Variants in SFSWAP observed in about 807,000 individuals in gnomAD.
The protein encoded by SFSWAP is splicing factor SWAP.
SFSWAP carries 17 observed loss-of-function variants against 100.7 expected under a neutral mutation model. The observed-to-expected ratio is 0.17, with a 90% CI of 0.12 to 0.25. The LOEUF is 0.25. Ranked by LOEUF, SFSWAP falls within the 10% of genes least tolerant of loss-of-function variation. The pLI is 1.00. For missense variants in SFSWAP, 1,005 were observed against 1,262.6 expected, an observed-to-expected ratio of 0.80 and a Z score of 3.09; for synonymous variants, 504 against 510.1, an observed-to-expected ratio of 0.99 and a Z score of 0.16.
chr12:131,751,314 C>T (rs10902444), intron 7 of SFSWAP, among the ~76,000 whole-genome samples: 9,134 of 152,280 alleles, frequency 0.06, 567 homozygotes, highest in East Asian at 0.28. Flanking sequence ...ATTCAGATCC[C>T]GTCCTTTGTG....
At chr12:131,757,402 A>T (rs1310388441) in intron 11 of SFSWAP, 2 of 152,396 alleles carry the variant, frequency 1.3e-5, no homozygotes, top group Admixed American at 1.3e-4. Flanking sequence ...GCCCCGGTGC[A>T]CCCTGTCGGG....
intron 15 of SFSWAP, chr12:131,796,905 C>T: frequency 2.7e-6 from 1 of 373,046 alleles, no homozygotes; most frequent in Non-Finnish European, 4.8e-6. Context: ...CCTGTGGTGG[C>T]TTATCTTAGG....
At chr12:131,741,644 CAAA>C (rs543737279) in intron 7 of SFSWAP, among the ~76,000 whole-genome samples, 1 of 68,836 alleles carries the variant, frequency 1.5e-5, no homozygotes, top group African/African-American at 5.4e-5. Context: ...AGACTCTGTC[CAAA>C]AAAAAAAAAA....
intron 13 of SFSWAP, among the ~76,000 whole-genome samples, chr12:131,767,769 G>A (rs1883235281): frequency 6.6e-6 from 1 of 152,148 alleles, no homozygotes; most frequent in Non-Finnish European, 1.5e-5. Flanking sequence ...GCTTATAAGT[G>A]GGAGCTAAAC....
rs368770684 is a variant in SFSWAP, at chr12:131,746,932, G to A, written c.1082-6191G>A. 7.0e-4 allele frequency among the ~76,000 whole-genome samples: 107 copies of A among 152,096 alleles called. No homozygotes were observed. The East Asian group carries it at 0.013, about 19-fold the overall frequency. On this transcript the variant is annotated intron_variant, in intron 7 of 17. Transcript: ENST00000261674. ...ATCCTGGCTAACACGGTGAAACCCG[G>A]TCTCTACTAAAAATACAAAAAATTA...
rs143504094 is a variant in SFSWAP, at chr12:131,778,231, G to A, written c.2309G>A (p.Arg770His). 47 of 1,613,932 alleles carry A rather than the reference G, an allele frequency of 2.9e-5. No individual in the cohort carries two copies. The Middle Eastern group carries it at 4.9e-4, about 17-fold the overall frequency. ...KHKKRSRTRS[R>H]SPKYHSSSKS... ...AAAAAAAGATCTCGAACAAGATCAC[G>A]TTCTCCCAAGTACCATTCGTCATCC... is the stretch of plus-strand genomic sequence containing the variant. Residue 770 changes from arginine (R) to histidine (H), a missense_variant, in exon 14 of 18, where the codon CGT becomes CAT. By Grantham distance (29) the Arg-to-His change is conservative. This residue lies in a region of SFSWAP where 295 missense variants were observed against 347.9 expected (regional missense o/e 0.85). Transcript: ENST00000261674. The surrounding 1 kb of genome is among the most constrained non-coding windows in gnomAD (Gnocchi z 4.2).
chr12:131,772,163 G>T (rs190355530), intron 13 of SFSWAP, among the ~76,000 whole-genome samples: 1 of 152,270 alleles, frequency 6.6e-6, no homozygotes, highest in African/African-American at 2.4e-5. Flanking sequence ...AGTTTGAGGA[G>T]CACGTCACTA....
chr12:131,783,823 A>ATATATATATATATATATATATATAT (rs1555251703), intron 14 of SFSWAP: 1 of 68,710 alleles, frequency 1.5e-5, no homozygotes, highest in Non-Finnish European at 3.5e-5. Context: ...TATATATATA[A>ATATATATATATATATATATATATAT]TTCTTTGTAG....
chr12:131,757,335 C>T (rs550164441), intron 11 of SFSWAP: 4 of 152,468 alleles, frequency 2.6e-5, no homozygotes, highest in Admixed American at 6.5e-5. Context: ...TGTTGAGATG[C>T]GGTAGGTGGT....
chr12:131,785,043 G>A, intron 14 of SFSWAP: 1 of 1,522,102 alleles, frequency 6.6e-7, no homozygotes, highest in Admixed American at 2.0e-5. Context: ...CTTTTATTCT[G>A]AATGTGAAGT....
intron 11 of SFSWAP, among the ~76,000 whole-genome samples, chr12:131,764,126 AAAAAG>A (rs1019066562): frequency 1.3e-5 from 2 of 152,126 alleles, no homozygotes; most frequent in African/African-American, 2.4e-5. Context: ...ACTCCATCTC[AAAAAG>A]AAAAGAAAAG....
rs1010298708 is a variant in SFSWAP, at chr12:131,744,301, C to T, written c.1082-8822C>T. On this transcript the variant is annotated intron_variant, in intron 7 of 17. Transcript: ENST00000261674. ...CTTTATGCTGTGTTTCCTTATAAAA[C>T]TGAATGCCTTTAACAGCACCCAAGT... Among the ~76,000 whole-genome samples the T allele has an allele frequency of 2.0e-5, 3 of 152,198 alleles. No individual in the cohort carries two copies. The East Asian group carries it at 5.8e-4, about 29-fold the overall frequency.
intron 10 of SFSWAP, among the ~76,000 whole-genome samples, chr12:131,755,955 G>A (rs1169116543): frequency 4.6e-5 from 7 of 152,202 alleles, no homozygotes; most frequent in South Asian, 2.1e-4. Context: ...TGGTGCTGGC[G>A]CACTTGGAAG....
intron 5 of SFSWAP, 51 bp from the exon 6 acceptor site, chr12:131,726,889 A>G: frequency 1.8e-6 from 2 of 1,109,162 alleles, no homozygotes; most frequent in Non-Finnish European, 2.7e-6. Flanking sequence ...ATTAATTTGT[A>G]CTTTTTTTCT....
chr12:131,764,905 GT>G (rs1296024562), intron 12 of SFSWAP, among the ~76,000 whole-genome samples: 1 of 152,256 alleles, frequency 6.6e-6, no homozygotes, highest in African/African-American at 2.4e-5. Context: ...GCCGCTGGCA[GT>G]TTGTTTTCGA....
intron 15 of SFSWAP, among the ~76,000 whole-genome samples, chr12:131,791,159 A>G (rs148974192): frequency 0.017 from 2,611 of 152,038 alleles, 79 homozygotes; most frequent in African/African-American, 0.057. Context: ...TCAGGAGGCC[A>G]AGGCAGGTGG....
At chr12:131,768,572 C>T (rs974961692) in intron 13 of SFSWAP, among the ~76,000 whole-genome samples, 3 of 152,132 alleles carry the variant, frequency 2.0e-5, no homozygotes, top group East Asian at 3.9e-4. Flanking sequence ...GAGACCCTGT[C>T]GAGTCCCCGA....
intron 13 of SFSWAP, among the ~76,000 whole-genome samples, chr12:131,775,145 T>A (rs1377511593): frequency 6.6e-6 from 1 of 152,174 alleles, no homozygotes; most frequent in African/African-American, 2.4e-5. Flanking sequence ...CACACCAAAT[T>A]AGTGCAGTGA....
intron 7 of SFSWAP, among the ~76,000 whole-genome samples, chr12:131,741,194 C>T (rs1415605053): frequency 6.6e-6 from 1 of 151,948 alleles, no homozygotes; most frequent in African/African-American, 2.4e-5. Context: ...CTGGGAACTC[C>T]TGACCTCGTG....
Sources: gnomAD v4.1 joint callset for allele counts (sites outside exome capture counted in the v4.1 genomes callset) on GRCh38, gnomAD v4.1.1 for gene constraint, gnomAD v4.1.1 regional missense constraint, Gnocchi (gnomAD v3.1) non-coding constraint, MANE v1.5 for transcripts, NCBI Gene and HGNC (gene_info 2026-07-23, HGNC 2026-07-21) for gene names.